The following KHDRBS2 variants were observed in gnomAD, a reference collection of about 807,000 sequenced individuals.
KHDRBS2 encodes the protein KH RNA binding domain containing, signal transduction associated 2.
KHDRBS2 carries 26 observed loss-of-function variants against 44.3 expected under a neutral mutation model. The ratio of observed to expected loss-of-function variants is 0.59; its 90% CI spans 0.43 to 0.81. KHDRBS2 has a LOEUF of 0.81. Ranked by LOEUF, KHDRBS2 falls within the 40% of genes least tolerant of loss-of-function variation. The pLI, the probability that KHDRBS2 is intolerant of heterozygous loss-of-function variation, is 0.00. For synonymous variants in KHDRBS2, 194 were observed against 151.1 expected (o/e 1.28, Z -2.08); for missense variants, 476 against 433.1 (o/e 1.10, Z -0.88).
At chr6:61,954,907 TGC>T (rs1397463097) in intron 4 of KHDRBS2, among the ~76,000 whole-genome samples, 1 of 94,742 alleles carries the variant, frequency 1.1e-5, no homozygotes, top group African/African-American at 3.6e-5. Flanking sequence ...TACATATGTG[TGC>T]ATACATATAT....
At position 62,082,310 on chromosome 6, in the gene KHDRBS2, GGTGT is replaced by G. The variant is rs142069290; in HGVS notation, c.220-34320_220-34317del. 8.4e-3 allele frequency among the ~76,000 whole-genome samples: 1,248 copies of G among 149,134 alleles called. 6 individuals carry two copies. The highest frequency in any genetic ancestry group is 0.029 in the East Asian group (146 of 5,016). ...TTTAAAGAGAGAGCAAATACACACT[GGTGT>G]GTGTGTGTGTGTGTGTGTGTGTGTG... On this transcript the variant is annotated intron_variant, in intron 2 of 8. Coordinates refer to ENST00000281156, the MANE Select transcript of KHDRBS2 (RefSeq NM_152688.4).
chr6:62,082,310 G>GGT (rs142069290), intron 2 of KHDRBS2, among the ~76,000 whole-genome samples: 9,314 of 149,002 alleles, frequency 0.063, 316 homozygotes, highest in Non-Finnish European at 0.068. Flanking sequence ...AATACACACT[G>GGT]GTGTGTGTGT....
chr6:62,032,062 A>G (rs570785610), intron 3 of KHDRBS2, among the ~76,000 whole-genome samples: 1 of 152,208 alleles, frequency 6.6e-6, no homozygotes, highest in African/African-American at 2.4e-5. Flanking sequence ...TGTTTGGGAG[A>G]AAGTAAAGGA....
At position 62,104,529 on chromosome 6, in the gene KHDRBS2, T is replaced by C. The variant is rs567534256; in HGVS notation, c.220-56535A>G. ...TATTCCCAAATACTTGAAAAGTATA[T>C]AATACATTTCTAAATAACATATGAG... On this transcript the variant is annotated intron_variant, in intron 2 of 8. Transcript: ENST00000281156. 1.4e-3 allele frequency among the ~76,000 whole-genome samples: 217 copies of C among 152,296 alleles called. 1 individual carries two copies. Among genetic ancestry groups the C allele is most frequent in the African/African-American group, 5.0e-3 (207 of 41,576 alleles).
At chr6:61,610,628 A>T in the KHDRBS2 span, among the ~76,000 whole-genome samples, 16 of 152,302 alleles carry the variant, frequency 1.1e-4, no homozygotes, top group East Asian at 2.9e-3. Context: ...GTGTTACTCA[A>T]GTATTCTCAT....
chr6:62,123,711 C>A (rs1808264629), intron 2 of KHDRBS2, among the ~76,000 whole-genome samples: 1 of 152,134 alleles, frequency 6.6e-6, no homozygotes, highest in East Asian at 1.9e-4. Flanking sequence ...AACATTTGAA[C>A]CTTATCACTG....
At position 61,901,286 on chromosome 6, in the gene KHDRBS2, A is replaced by C. The variant is rs750730165; in HGVS notation, c.569T>G (p.Ile190Ser). 6.2e-7 allele frequency: 1 copy of C among 1,613,812 alleles called. No homozygotes were observed. The highest frequency in any genetic ancestry group is 1.1e-5 in the South Asian group (1 of 91,070). ...AGCTATTCTGATCCCTCTGCCTCTAATACCTCTGCCACGACCAGAGTCCTC... is the reference window on the plus strand; with the variant it reads ...AGCTATTCTGATCCCTCTGCCTCTACTACCTCTGCCACGACCAGAGTCCTC... ...GSEDSGRGRG[I>S]RGRGIRIAPT... is the part of the protein sequence containing the mutation. The change falls in exon 5 of 9, where the codon ATT (isoleucine) becomes AGT (serine). Residue 190 changes from isoleucine to serine, a missense_variant. Coordinates refer to ENST00000281156, the MANE Select transcript of KHDRBS2 (RefSeq NM_152688.4).
chr6:61,848,470 TA>T (rs1794746959), intron 6 of KHDRBS2, among the ~76,000 whole-genome samples: 1 of 42,012 alleles, frequency 2.4e-5, no homozygotes, highest in African/African-American at 2.3e-4. Flanking sequence ...ATGGAGGTTT[TA>T]TATATATATA....
chr6:61,634,839 C>A, the KHDRBS2 span, among the ~76,000 whole-genome samples: 1 of 152,084 alleles, frequency 6.6e-6, no homozygotes, highest in South Asian at 2.1e-4. Flanking sequence ...ACTGTGGATA[C>A]TTAAAAATTG....
the KHDRBS2 span, among the ~76,000 whole-genome samples, chr6:61,660,128 C>T: frequency 1.3e-5 from 2 of 151,796 alleles, no homozygotes; most frequent in East Asian, 1.9e-4. Flanking sequence ...AAACAACAGG[C>T]GTAAACCAGG....
chr6:61,592,338 T>C, the KHDRBS2 span, among the ~76,000 whole-genome samples: 10 of 152,056 alleles, frequency 6.6e-5, no homozygotes, highest in East Asian at 1.4e-3. Context: ...GAGGTTACAG[T>C]AAAAATAAGG....
At chr6:61,938,290 T>A (rs998107076) in intron 4 of KHDRBS2, among the ~76,000 whole-genome samples, 3 of 152,098 alleles carry the variant, frequency 2.0e-5, no homozygotes, top group Admixed American at 6.6e-5. Context: ...AAAGGTTTCA[T>A]GGAATAGTTA....
chr6:62,134,867 A>T (rs188994641), intron 2 of KHDRBS2, among the ~76,000 whole-genome samples: 2 of 152,284 alleles, frequency 1.3e-5, no homozygotes, highest in East Asian at 3.9e-4. Flanking sequence ...GTATATTTAT[A>T]CAACGCCTGT....
intron 1 of KHDRBS2, among the ~76,000 whole-genome samples, chr6:62,263,927 T>A (rs1404819012): frequency 6.6e-6 from 1 of 151,782 alleles, no homozygotes; most frequent in Non-Finnish European, 1.5e-5. Context: ...ATGAAAGCCA[T>A]GGGACATCAT....
intron 3 of KHDRBS2, among the ~76,000 whole-genome samples, chr6:62,034,704 A>AAC (rs2127294904): frequency 6.6e-6 from 1 of 151,212 alleles, no homozygotes; most frequent in Non-Finnish European, 1.5e-5. Context: ...AAAAAAAAAA[A>AAC]AAAAAAAAAA....
At chr6:61,945,101 A>ATAT (rs1206251740) in intron 4 of KHDRBS2, among the ~76,000 whole-genome samples, 4 of 56,254 alleles carry the variant, frequency 7.1e-5, no homozygotes, top group African/African-American at 1.3e-4. Flanking sequence ...AAAAAAAAAA[A>ATAT]AAAAAAAAAA....
At chr6:61,824,676 T>G (rs1790554879) in intron 6 of KHDRBS2, among the ~76,000 whole-genome samples, 1 of 152,184 alleles carries the variant, frequency 6.6e-6, no homozygotes, top group Non-Finnish European at 1.5e-5. Context: ...TTTAAGATAC[T>G]TTGAAAATTT....
chr6:62,199,651 C>A (rs1323611501), intron 1 of KHDRBS2, among the ~76,000 whole-genome samples: 1 of 152,240 alleles, frequency 6.6e-6, no homozygotes, highest in East Asian at 1.9e-4. Flanking sequence ...TGAAAACGGC[C>A]ATACTGCCCA....
chr6:61,549,534 G>A, the KHDRBS2 span, among the ~76,000 whole-genome samples: 1 of 152,214 alleles, frequency 6.6e-6, no homozygotes, highest in Non-Finnish European at 1.5e-5. Flanking sequence ...AAAATGTAAT[G>A]AGAAGAGTTA....
Sources: gnomAD v4.1 joint callset for allele counts (sites outside exome capture counted in the v4.1 genomes callset) on GRCh38, gnomAD v4.1.1 for gene constraint, MANE v1.5 for transcripts, NCBI Gene and HGNC (gene_info 2026-07-23, HGNC 2026-07-21) for gene names.